SLC22A25: variants seen among roughly 807,000 people sequenced by gnomAD.
The protein encoded by SLC22A25 is MGI:2442751, MGI:2385316, MGI:3042283, MGI:3645714, MGI:3605624, MGI:2442750.
SLC22A25 carries 44 observed loss-of-function variants against 45.9 expected under a neutral mutation model. The observed-to-expected ratio is 0.96, with a 90% CI of 0.75 to 1.23. The LOEUF (loss-of-function observed/expected upper bound fraction) is 1.23, where lower values mean the gene tolerates loss of function less well. SLC22A25 is among the 50% of genes most tolerant of loss of function. The pLI is 0.00. For synonymous variants in SLC22A25, 283 were observed against 238.6 expected (o/e 1.19, Z -1.72); for missense variants, 800 against 666.4 (o/e 1.20, Z -2.21).
At chr11:63,193,429 C>T (rs1485742518) in intron 7 of SLC22A25, among the ~76,000 whole-genome samples, 3 of 152,194 alleles carry the variant, frequency 2.0e-5, no homozygotes, top group Non-Finnish European at 2.9e-5. Context: ...CCCCCTGAGA[C>T]GAAGTTCCAG....
chr11:63,167,953 A>G, intron 9 of SLC22A25: 1 of 400,800 alleles, frequency 2.5e-6, no homozygotes, highest in South Asian at 1.7e-5. Context: ...TCTAAAATGA[A>G]GCTTCCAGAG....
chr11:63,190,660 T>C (rs1257907066), intron 7 of SLC22A25, among the ~76,000 whole-genome samples: 1 of 152,184 alleles, frequency 6.6e-6, no homozygotes, highest in Admixed American at 6.5e-5. Context: ...ACTCTGTTTT[T>C]TCCCCATCTC....
chr11:63,168,023 C>G (rs1313265097), intron 9 of SLC22A25: 2 of 348,168 alleles, frequency 5.7e-6, no homozygotes. Flanking sequence ...CCCAAGCAAA[C>G]AGGATCTGGA....
chr11:63,197,773 C>G (rs1010702042), intron 7 of SLC22A25, among the ~76,000 whole-genome samples: 2 of 151,690 alleles, frequency 1.3e-5, no homozygotes, highest in Non-Finnish European at 2.9e-5. Flanking sequence ...ATGCTACCAT[C>G]AGAGTGATCA....
chr11:63,221,296 C>T (rs1240283930), intron 5 of SLC22A25, among the ~76,000 whole-genome samples: 1 of 152,088 alleles, frequency 6.6e-6, no homozygotes, highest in Non-Finnish European at 1.5e-5. Flanking sequence ...TTATTATTGC[C>T]TGCCTTTTGG....
At chr11:63,183,863 A>G (rs748805549) in intron 7 of SLC22A25, 46 bp from the exon 8 acceptor site, 1 of 1,609,266 alleles carries the variant, frequency 6.2e-7, no homozygotes, top group Non-Finnish European at 8.5e-7. Flanking sequence ...CTACTTACTC[A>G]TTTTTTCACA....
rs2087561264 is a variant in SLC22A25, at chr11:63,163,013, A to G, written c.*811T>C. Among the ~76,000 whole-genome samples the G allele has an allele frequency of 6.6e-6, 1 of 152,190 alleles. No individual in the cohort carries two copies. The highest frequency in any genetic ancestry group is 2.1e-4 in the South Asian group (1 of 4,828). On this transcript the variant is annotated 3_prime_UTR_variant, in exon 12 of 12. Transcript: ENST00000306494. Reference sequence around the variant, plus strand: ...AACAAACAAAAAAGCTCAAAAATGAAAGACATGGACTAAACATATAAGTCC... The same window carrying G: ...AACAAACAAAAAAGCTCAAAAATGAGAGACATGGACTAAACATATAAGTCC...
chr11:63,218,409 T>A (rs562231098), intron 5 of SLC22A25, among the ~76,000 whole-genome samples: 1 of 152,288 alleles, frequency 6.6e-6, no homozygotes, highest in East Asian at 1.9e-4. Flanking sequence ...CTATGCTAAC[T>A]ACCTGGGTGA....
At chr11:63,230,479 T>C (rs990382301) in intron 3 of SLC22A25, among the ~76,000 whole-genome samples, 10 of 152,152 alleles carry the variant, frequency 6.6e-5, no homozygotes, top group African/African-American at 9.7e-5. Flanking sequence ...ACATAAACAA[T>C]TGTAATCTGA....
intron 7 of SLC22A25, among the ~76,000 whole-genome samples, chr11:63,193,779 G>C (rs914689505): frequency 1.3e-5 from 2 of 152,214 alleles, no homozygotes; most frequent in Non-Finnish European, 2.9e-5. Context: ...GCAGCTCCCT[G>C]CCAGCAATGG....
chr11:63,209,663 G>C (rs2089505127), intron 7 of SLC22A25, among the ~76,000 whole-genome samples: 1 of 152,094 alleles, frequency 6.6e-6, no homozygotes, highest in African/African-American at 2.4e-5. Context: ...GTGGCTCTAG[G>C]GTTTACGTTT....
At chr11:63,203,726 A>G (rs1286656408) in intron 7 of SLC22A25, among the ~76,000 whole-genome samples, 1 of 152,132 alleles carries the variant, frequency 6.6e-6, no homozygotes, top group African/African-American at 2.4e-5. Context: ...CAAATTGGAA[A>G]ATACTCTTCA....
chr11:63,235,511 C>G (rs189102799), intron 3 of SLC22A25, among the ~76,000 whole-genome samples: 95 of 152,306 alleles, frequency 6.2e-4, no homozygotes, highest in African/African-American at 2.1e-3. Flanking sequence ...CCTTTAAGGA[C>G]TTCTCTGCAT....
intron 9 of SLC22A25, chr11:63,166,496 G>C: frequency 8.0e-7 from 1 of 1,252,732 alleles, no homozygotes. Context: ...TGTGCTATGG[G>C]GTTTATTTAT....
At chr11:63,190,133 A>G (rs917830429) in intron 7 of SLC22A25, among the ~76,000 whole-genome samples, 2 of 152,232 alleles carry the variant, frequency 1.3e-5, no homozygotes, top group African/African-American at 4.8e-5. Context: ...AATATCCTGC[A>G]GAGTGTTTTC....
In SLC22A25 at chr11:63,238,841, G is replaced by A; in HGVS notation, c.-701C>T. 1 of 251,566 alleles carries A rather than the reference G, an allele frequency of 4.0e-6. No homozygotes were observed. Among genetic ancestry groups the A allele is most frequent in the Non-Finnish European group, 8.4e-6 (1 of 118,914 alleles). 15.6% of individuals were successfully genotyped at this position (251,566 alleles called of 1,614,324 possible). A position where few individuals can be genotyped will look rare whatever the true frequency, so the allele number is the denominator to read the frequency against. ...AGGTGAAGGAGCTGCCACTGGGGAT[G>A]GATGAAGTGACAACGTTTCTGTGGC... On this transcript the variant is annotated 5_prime_UTR_variant, in exon 2 of 12. Coordinates refer to ENST00000306494, the MANE Select transcript of SLC22A25 (RefSeq NM_199352.6).
At chr11:63,225,031 G>A (rs546900141) in intron 5 of SLC22A25, among the ~76,000 whole-genome samples, 7 of 152,114 alleles carry the variant, frequency 4.6e-5, no homozygotes, top group Admixed American at 2.0e-4. Context: ...CCCAGGAGGC[G>A]GAGCTTGCAG....
At position 63,229,789 on chromosome 11, in the gene SLC22A25, T is replaced by G; in HGVS notation, c.-137A>C. On this transcript the variant is annotated 5_prime_UTR_variant, in exon 4 of 12. Coordinates refer to ENST00000306494, the MANE Select transcript of SLC22A25 (RefSeq NM_199352.6). The stretch of plus-strand genomic sequence containing the variant: ...ACCCCACTCTCTTCTTAATGGGCCC[T>G]CTCTCCCATCTGCAGCAGGGTCACG... The G allele has an allele frequency of 3.7e-5, 30 of 821,614 alleles. No homozygotes were observed. Among genetic ancestry groups the G allele is most frequent in the Non-Finnish European group, 5.1e-5 (29 of 565,260 alleles). The allele number at this position is 821,614 out of a possible 1,614,324, so 50.9% of individuals were successfully genotyped here.
At chr11:63,223,201 G>A (rs181149208) in intron 5 of SLC22A25, among the ~76,000 whole-genome samples, 3 of 151,888 alleles carry the variant, frequency 2.0e-5, no homozygotes, top group East Asian at 1.9e-4. Flanking sequence ...ATTGGGATTC[G>A]TATGACTTCT....
Sources: allele counts gnomAD v4.1 joint callset (sites outside exome capture counted in the v4.1 genomes callset), GRCh38; gene constraint gnomAD v4.1.1; transcripts MANE v1.5; gene names NCBI Gene and HGNC (gene_info 2026-07-23, HGNC 2026-07-21).